The following MARCHF6 variants were observed in gnomAD, a reference collection of about 807,000 sequenced individuals.
MARCHF6 encodes the protein E3 ubiquitin-protein ligase MARCHF6.
In MARCHF6, 31 loss-of-function variants were observed where a neutral mutation model predicts 133.7. That is an observed-to-expected ratio of 0.23 (90% CI 0.17 to 0.31). MARCHF6 has a LOEUF of 0.31. Among genes scored for constraint, MARCHF6 ranks in the 10% least tolerant of loss-of-function variants. The pLI is 1.00. For synonymous variants in MARCHF6, 395 were observed against 402.5 expected, an observed-to-expected ratio of 0.98 and a Z score of 0.22; for missense variants, 723 against 1,121.6, an observed-to-expected ratio of 0.64 and a Z score of 5.08.
chr5:10,391,436 GTTTTTTTTTTTTTT>G lies in MARCHF6; in HGVS notation c.577-91_577-78del, dbSNP rs35378319. On this transcript the variant is annotated intron_variant, in intron 6 of 25. Transcript: ENST00000274140. ...GCATGAGCCACTACACCTGGCCTAG[GTTTTTTTTTTTTTT>G]TTTTTTTTTTTTTTAGCAGGAATAA... is the stretch of plus-strand genomic sequence containing the variant. The G allele has an allele frequency of 2.5e-4, 76 of 306,402 alleles. No individual in the cohort carries two copies. The African/African-American group carries it at 2.5e-3, about 10-fold the overall frequency. The allele number at this position is 306,402 out of a possible 1,614,324, so 19.0% of individuals were successfully genotyped here. A position where few individuals can be genotyped will look rare whatever the true frequency, so the allele number is the denominator to read the frequency against.
rs775549081 is a variant in MARCHF6, at chr5:10,410,166, C to G, written c.1581C>G (p.Leu527=). ...ATGCTCCAGTGAGTGAACTGTCCCT[C>G]GAGCTGCTTCTGCTTCAGGTTGTCT... is the stretch of plus-strand genomic sequence containing the variant. The part of the protein sequence containing the change: ...YSDAPVSELS[L]ELLLLQVVLP... The change falls in exon 18 of 26, where the codon CTC becomes CTG. Residue 527 remains leucine, a synonymous_variant. Coordinates refer to ENST00000274140, the MANE Select transcript of MARCHF6 (RefSeq NM_005885.4). The G allele has an allele frequency of 1.2e-6, 2 of 1,614,034 alleles. No individual in the cohort carries two copies. The highest frequency in any genetic ancestry group is 8.5e-7 in the Non-Finnish European group (1 of 1,179,996).
rs1739568106 is a variant in MARCHF6, at chr5:10,417,346, T to G, written c.2225T>G (p.Val742Gly). The G allele has an allele frequency of 6.2e-7, 1 of 1,614,040 alleles. No individual in the cohort carries two copies. Among genetic ancestry groups the G allele is most frequent in the Non-Finnish European group, 8.5e-7 (1 of 1,180,026 alleles). ...PLLLGLLFEL[V>G]IVAPLRVPLD... is the part of the protein sequence containing the mutation. The stretch of plus-strand genomic sequence containing the variant: ...CTTCTGGGGCTCCTGTTTGAGCTGG[T>G]CATTGTGGCTCCCCTGAGGGTTCCC... Residue 742 changes from valine to glycine, a missense_variant, in exon 22 of 26, where the codon GTC becomes GGC. Val to Gly is a moderately radical substitution (Grantham distance 109). Around this residue, in one of 4 missense-constraint regions of MARCHF6, gnomAD observed 492 missense variants for 699.5 expected, o/e 0.70. Transcript: ENST00000274140.
chr5:10,428,331 G>GTTT lies in MARCHF6; in HGVS notation c.2507-1538_2507-1536dup, dbSNP rs10604024. 4.9e-4 allele frequency among the ~76,000 whole-genome samples: 37 copies of GTTT among 75,792 alleles called. 1 individual carries two copies. Among genetic ancestry groups the GTTT allele is most frequent in the African/African-American group, 1.5e-3 (29 of 18,760 alleles). 49.7% of individuals were successfully genotyped at this position (75,792 alleles called of 152,430 possible). ...ATATTTCAAAGCCCATTGCTTTTTA[G>GTTT]TTTTTTTTTTTTTTTTTTTTTTTTT... On this transcript the variant is annotated intron_variant, in intron 24 of 25. Coordinates refer to ENST00000274140, the MANE Select transcript of MARCHF6 (RefSeq NM_005885.4).
chr5:10,374,115 C>T (rs926631075), intron 1 of MARCHF6, among the ~76,000 whole-genome samples: 6 of 151,644 alleles, frequency 4.0e-5, no homozygotes, highest in African/African-American at 9.7e-5. Context: ...TAAATTAATA[C>T]CCTATCTAAA....
intron 24 of MARCHF6, among the ~76,000 whole-genome samples, chr5:10,428,432 C>T (rs537475201): frequency 6.7e-6 from 1 of 149,544 alleles, no homozygotes; most frequent in East Asian, 2.0e-4. Flanking sequence ...ACCTCCACCT[C>T]CTGGGTTCAA....
At chr5:10,429,509 C>G (rs911161571) in intron 24 of MARCHF6, among the ~76,000 whole-genome samples, 2 of 151,904 alleles carry the variant, frequency 1.3e-5, no homozygotes, top group African/African-American at 4.8e-5. Context: ...AGCGATTCTC[C>G]CACCCCAGCC....
In MARCHF6 at chr5:10,436,042, T is replaced by G. The variant is rs1579632038; in HGVS notation, c.*2358T>G. ...CAACTTGATTATATTAATTTTGGGT[T>G]TTTTGTTTTGTTTTGTTTTGTTTTT... On this transcript the variant is annotated 3_prime_UTR_variant, in exon 26 of 26. Coordinates refer to ENST00000274140, the MANE Select transcript of MARCHF6 (RefSeq NM_005885.4). 6.6e-6 allele frequency: 1 copy of G among 152,094 alleles called. No individual in the cohort carries two copies. Among genetic ancestry groups the G allele is most frequent in the African/African-American group, 2.4e-5 (1 of 41,256 alleles). 9.4% of individuals were successfully genotyped at this position (152,094 alleles called of 1,614,324 possible).
chr5:10,370,411 A>G (rs1736399642), intron 1 of MARCHF6, among the ~76,000 whole-genome samples: 2 of 152,044 alleles, frequency 1.3e-5, no homozygotes, highest in South Asian at 2.1e-4. Flanking sequence ...CGTTACTGTG[A>G]TTTTTATTAA....
At chr5:10,385,822 T>A (rs1293992344) in intron 4 of MARCHF6, among the ~76,000 whole-genome samples, 1 of 152,200 alleles carries the variant, frequency 6.6e-6, no homozygotes, top group Admixed American at 6.5e-5. Flanking sequence ...ACATGCCTCT[T>A]TGAAATCAGT....
At chr5:10,418,273 G>A (rs1253594759) in intron 22 of MARCHF6, among the ~76,000 whole-genome samples, 1 of 151,746 alleles carries the variant, frequency 6.6e-6, no homozygotes, top group Non-Finnish European at 1.5e-5. Flanking sequence ...CCAGCTACTC[G>A]AGAGGCTGAG....
At chr5:10,393,389 A>G (rs948317609) in intron 7 of MARCHF6, among the ~76,000 whole-genome samples, 1 of 152,044 alleles carries the variant, frequency 6.6e-6, no homozygotes, top group Non-Finnish European at 1.5e-5. Context: ...CCTATTTTGA[A>G]TAAGGTTTTC....
At chr5:10,367,144 G>A (rs1333260996) in intron 1 of MARCHF6, among the ~76,000 whole-genome samples, 10 of 152,122 alleles carry the variant, frequency 6.6e-5, no homozygotes, top group Non-Finnish European at 1.5e-4. Context: ...TGTCAAGGTC[G>A]TCAGAAACAA....
intron 1 of MARCHF6, among the ~76,000 whole-genome samples, chr5:10,366,246 C>T (rs1736133485): frequency 1.3e-5 from 2 of 152,168 alleles, no homozygotes; most frequent in Non-Finnish European, 2.9e-5. Context: ...TTTTAAGGGA[C>T]TGTATACATT....
intron 1 of MARCHF6, among the ~76,000 whole-genome samples, chr5:10,363,401 A>C (rs1429550216): frequency 1.3e-5 from 2 of 152,250 alleles, no homozygotes; most frequent in Admixed American, 1.3e-4. Context: ...GCTATTAAGC[A>C]TATGCAAATA....
intron 1 of MARCHF6, among the ~76,000 whole-genome samples, chr5:10,377,208 G>A (rs1233824115): frequency 1.3e-5 from 2 of 152,078 alleles, no homozygotes; most frequent in Non-Finnish European, 2.9e-5. Context: ...GGTGGCTTCC[G>A]GCTCATCTCT....
At chr5:10,377,073 C>T (rs911806854) in intron 1 of MARCHF6, among the ~76,000 whole-genome samples, 2 of 152,112 alleles carry the variant, frequency 1.3e-5, no homozygotes, top group African/African-American at 2.4e-5. Flanking sequence ...GTTCCTCTGC[C>T]GTCGTGCTGC....
chr5:10,414,411 C>G lies in MARCHF6; in HGVS notation c.1897-22C>G, dbSNP rs763090756. 4.1e-6 allele frequency: 6 copies of G among 1,473,262 alleles called. No individual in the cohort carries two copies. The East Asian group carries it at 9.1e-5, about 22-fold the overall frequency. The allele number at this position is 1,473,262 out of a possible 1,614,324, so 91.3% of individuals were successfully genotyped here. On this transcript the variant is annotated intron_variant, in intron 19 of 25. Coordinates refer to ENST00000274140, the MANE Select transcript of MARCHF6 (RefSeq NM_005885.4). ...TGAGCACGTGTTCTCTATTTATGCA[C>G]TCCTTATGTTTTACTTTGCAGATAT...
intron 1 of MARCHF6, among the ~76,000 whole-genome samples, chr5:10,372,765 T>C (rs1736546603): frequency 6.6e-6 from 1 of 152,238 alleles, no homozygotes; most frequent in Non-Finnish European, 1.5e-5. Flanking sequence ...GTGGATTTGT[T>C]TTATATTTGC....
At chr5:10,389,049 T>C (rs1292051713) in intron 5 of MARCHF6, among the ~76,000 whole-genome samples, 1 of 152,120 alleles carries the variant, frequency 6.6e-6, no homozygotes, top group African/African-American at 2.4e-5. Context: ...CCATACCAGT[T>C]TAGTTTAAGT....
Sources: gnomAD v4.1 joint callset for allele counts (sites outside exome capture counted in the v4.1 genomes callset) on GRCh38, gnomAD v4.1.1 for gene constraint, gnomAD v4.1.1 regional missense constraint, MANE v1.5 for transcripts, NCBI Gene and HGNC (gene_info 2026-07-23, HGNC 2026-07-21) for gene names.